Variants in ATRNL1 observed in about 807,000 individuals in gnomAD.
ATRNL1 encodes the protein attractin like 1, also known as attractin-like protein 1.
ATRNL1 carries 95 observed loss-of-function variants against 182.7 expected under a neutral mutation model. The observed-to-expected ratio is 0.52, with a 90% CI of 0.44 to 0.62. The LOEUF is 0.62. Among genes scored for constraint, ATRNL1 ranks in the 20% least tolerant of loss-of-function variants. ATRNL1 has a pLI of 0.00. For missense variants in ATRNL1, 1,471 were observed against 1,679.5 expected (o/e 0.88, Z 2.17); for synonymous variants, 576 against 568.3 (o/e 1.01, Z -0.19).
chr10:115,285,422 T>C (rs1297011694), intron 14 of ATRNL1, among the ~76,000 whole-genome samples: 1 of 152,080 alleles, frequency 6.6e-6, no homozygotes, highest in Non-Finnish European at 1.5e-5. Flanking sequence ...GAGGCGCTAA[T>C]ACATTTCATA....
chr10:115,927,663 GTTAAAT>G (rs2134583073), intron 28 of ATRNL1, among the ~76,000 whole-genome samples: 1 of 152,184 alleles, frequency 6.6e-6, no homozygotes, highest in South Asian at 2.1e-4. Context: ...GTATATTACT[GTTAAAT>G]GCTTCTTTAT....
chr10:115,878,635 G>A (rs535222553), intron 28 of ATRNL1, among the ~76,000 whole-genome samples: 1 of 152,160 alleles, frequency 6.6e-6, no homozygotes, highest in Non-Finnish European at 1.5e-5. Context: ...ACAAGGACCT[G>A]GGGATCTGCT....
At chr10:115,850,935 G>A (rs1555100326) in intron 28 of ATRNL1, among the ~76,000 whole-genome samples, 1 of 152,176 alleles carries the variant, frequency 6.6e-6, no homozygotes, top group Non-Finnish European at 1.5e-5. Flanking sequence ...CTGTGTGAAG[G>A]ACAGGGTGCC....
chr10:115,324,424 T>G (rs1854763676), intron 18 of ATRNL1, among the ~76,000 whole-genome samples: 1 of 152,220 alleles, frequency 6.6e-6, no homozygotes. Flanking sequence ...TACCAATTCC[T>G]TTCTTGTAGT....
intron 28 of ATRNL1, among the ~76,000 whole-genome samples, chr10:115,867,169 G>T (rs956063878): frequency 6.6e-6 from 1 of 152,026 alleles, no homozygotes; most frequent in South Asian, 2.1e-4. Flanking sequence ...TGTCCTTTAA[G>T]AAAGTGTTAA....
chr10:115,905,034 C>A (rs1323432200), intron 28 of ATRNL1, among the ~76,000 whole-genome samples: 2 of 152,066 alleles, frequency 1.3e-5, no homozygotes, highest in Non-Finnish European at 2.9e-5. Flanking sequence ...CAGCTGAAGT[C>A]TGAAAGAGTT....
chr10:115,433,013 T>G (rs1280264667), intron 21 of ATRNL1, among the ~76,000 whole-genome samples: 1 of 152,062 alleles, frequency 6.6e-6, no homozygotes, highest in African/African-American at 2.4e-5. Flanking sequence ...ACATGTAATT[T>G]GCAATGCTCA....
chr10:115,707,584 T>G (rs1209059561), intron 26 of ATRNL1, among the ~76,000 whole-genome samples: 2 of 151,760 alleles, frequency 1.3e-5, no homozygotes, highest in Non-Finnish European at 2.9e-5. Context: ...TGATTATATA[T>G]GTATGTGCAT....
At chr10:115,114,134 C>T (rs1000614472) in intron 1 of ATRNL1, among the ~76,000 whole-genome samples, 1 of 151,860 alleles carries the variant, frequency 6.6e-6, no homozygotes, top group African/African-American at 2.4e-5. Flanking sequence ...AACAGAGGCT[C>T]GAGGAATACA....
intron 28 of ATRNL1, among the ~76,000 whole-genome samples, chr10:115,863,030 T>C (rs1951350962): frequency 6.6e-6 from 1 of 152,066 alleles, no homozygotes; most frequent in Non-Finnish European, 1.5e-5. Flanking sequence ...TTGCAAAAGA[T>C]GTAAAGAAAG....
chr10:115,713,031 T>C (rs1947111198), intron 26 of ATRNL1, among the ~76,000 whole-genome samples: 1 of 152,160 alleles, frequency 6.6e-6, no homozygotes, highest in South Asian at 2.1e-4. Context: ...ATAGCACCCA[T>C]GCTTTTGTGA....
Position 115,946,104 on chromosome 10 carries a change from G to A in ATRNL1, c.*1325G>A, listed in dbSNP as rs1305841784. The A allele has an allele frequency of 1.3e-5, 2 of 152,202 alleles. No individual in the cohort carries two copies. The highest frequency in any genetic ancestry group is 2.9e-5 in the Non-Finnish European group (2 of 68,036). The allele number at this position is 152,202 out of a possible 1,614,324, so 9.4% of individuals were successfully genotyped here. ...CAGTTTCCTCACTTCAGGGTGACAA[G>A]ATATGTATAACAGTGACAGAAATCT... is the stretch of plus-strand genomic sequence containing the variant. On this transcript the variant is annotated 3_prime_UTR_variant, in exon 29 of 29. Coordinates refer to ENST00000355044, the MANE Select transcript of ATRNL1 (RefSeq NM_207303.4).
intron 26 of ATRNL1, among the ~76,000 whole-genome samples, chr10:115,625,123 A>T (rs1858008555): frequency 6.6e-6 from 1 of 152,186 alleles, no homozygotes; most frequent in African/African-American, 2.4e-5. Context: ...ATTGGGTTTT[A>T]TAACAGTGTC....
At chr10:115,886,144 G>A (rs1951939571) in intron 28 of ATRNL1, among the ~76,000 whole-genome samples, 1 of 152,140 alleles carries the variant, frequency 6.6e-6, no homozygotes, top group Admixed American at 6.5e-5. Flanking sequence ...ATAGTATGCA[G>A]GACAAATGGA....
At chr10:115,181,701 G>C (rs1227444094) in intron 8 of ATRNL1, among the ~76,000 whole-genome samples, 9 of 151,626 alleles carry the variant, frequency 5.9e-5, no homozygotes, top group Non-Finnish European at 1.0e-4. Context: ...TTTTTAGAAA[G>C]ATGATGCCAC....
At chr10:115,915,133 C>A (rs1193761639) in intron 28 of ATRNL1, among the ~76,000 whole-genome samples, 1 of 152,116 alleles carries the variant, frequency 6.6e-6, no homozygotes, top group African/African-American at 2.4e-5. Context: ...TGCGGTGGCT[C>A]ACACCTGTAA....
chr10:115,934,628 A>G (rs979651979), intron 28 of ATRNL1, among the ~76,000 whole-genome samples: 1 of 151,978 alleles, frequency 6.6e-6, no homozygotes, highest in Non-Finnish European at 1.5e-5. Context: ...CATCCCGTTT[A>G]TCTCTCCTTA....
intron 27 of ATRNL1, among the ~76,000 whole-genome samples, chr10:115,804,619 G>A (rs187444565): frequency 1.7e-3 from 262 of 152,212 alleles, no homozygotes; most frequent in African/African-American, 2.8e-3. Context: ...TGTTTAAGCC[G>A]CCCAGTTTAT....
intron 17 of ATRNL1, among the ~76,000 whole-genome samples, chr10:115,310,288 A>C (rs1853948644): frequency 6.6e-6 from 1 of 151,958 alleles, no homozygotes; most frequent in South Asian, 2.1e-4. Context: ...TTCATCAGGG[A>C]TATTAGTCTG....
Sources: allele counts gnomAD v4.1 joint callset (sites outside exome capture counted in the v4.1 genomes callset), GRCh38; gene constraint gnomAD v4.1.1; transcripts MANE v1.5; gene names NCBI Gene and HGNC (gene_info 2026-07-23, HGNC 2026-07-21).